TPRX2: variants seen among roughly 807,000 people sequenced by gnomAD.
TPRX2 encodes the protein tetrapeptide repeat homeobox protein 2.
At chr19:47,861,093 G>A in the TPRX2 span, 2 of 714,598 alleles carry the variant, frequency 2.8e-6, no homozygotes, top group Non-Finnish European at 5.1e-6. Context: ...GGCTGTCCCG[G>A]CTCCAGGCCC....
At chr19:47,861,303 A>C in the TPRX2 span, 1 of 483,232 alleles carries the variant, frequency 2.1e-6, no homozygotes, top group African/African-American at 2.0e-5. Flanking sequence ...ATCACTCCCA[A>C]CCCCAGCCCC....
At chr19:47,861,677 T>A in the TPRX2 span, among the ~76,000 whole-genome samples, 1 of 152,230 alleles carries the variant, frequency 6.6e-6, no homozygotes, top group Non-Finnish European at 1.5e-5. Context: ...CTGCTGTGAA[T>A]GTGCCTGCCT....
At chr19:47,861,257 C>T in the TPRX2 span, 3 of 528,136 alleles carry the variant, frequency 5.7e-6, no homozygotes, top group African/African-American at 5.7e-5. Context: ...CAATCCCAGA[C>T]CCAGTCCTAG....
chr19:47,861,271 G>GAACCCTGATGCCAGGCCC, the TPRX2 span: 2 of 509,076 alleles, frequency 3.9e-6, no homozygotes, highest in Non-Finnish European at 7.7e-6. Flanking sequence ...GTCCTAGGCC[G>GAACCCTGATGCCAGGCCC]AACCCTGATG....
the TPRX2 span, chr19:47,860,056 T>C: frequency 7.1e-7 from 1 of 1,408,114 alleles, no homozygotes; most frequent in South Asian, 1.3e-5. Context: ...ACGGGGTCCC[T>C]AGGGGGGCTG....
chr19:47,861,158 A>G, the TPRX2 span: 1 of 686,014 alleles, frequency 1.5e-6, no homozygotes. Flanking sequence ...GCCCAGTCCC[A>G]GGCCCAGCCC....
chr19:47,859,297 G>A, the TPRX2 span, among the ~76,000 whole-genome samples: 1 of 150,286 alleles, frequency 6.7e-6, no homozygotes, highest in Non-Finnish European at 1.5e-5. Context: ...GGTGTGAGGG[G>A]CCTGGGCTGA....
At chr19:47,860,797 C>T in the TPRX2 span, 35 of 1,542,032 alleles carry the variant, frequency 2.3e-5, no homozygotes, top group East Asian at 5.7e-4. Context: ...CCCTCTGCCC[C>T]CCAGGTGTGG....
chr19:47,860,758 G>A, the TPRX2 span: 2 of 1,514,564 alleles, frequency 1.3e-6, no homozygotes, highest in Non-Finnish European at 1.8e-6. Context: ...CGGGCCGCGC[G>A]AGTCCCTCCT....
the TPRX2 span, chr19:47,860,668 G>A: frequency 1.0e-6 from 1 of 963,942 alleles, no homozygotes; most frequent in South Asian, 1.7e-5. Context: ...TGGGAGCCGG[G>A]GGCCCTCATA....
chr19:47,861,246 C>T, the TPRX2 span: 1 of 544,290 alleles, frequency 1.8e-6, no homozygotes, highest in East Asian at 4.5e-5. Flanking sequence ...TTGCCCAGGC[C>T]CAATCCCAGA....
the TPRX2 span, among the ~76,000 whole-genome samples, chr19:47,859,577 C>T: frequency 4.1e-5 from 6 of 146,444 alleles, no homozygotes; most frequent in South Asian, 6.7e-4. Context: ...ACCCAGGGGT[C>T]GTGGTGCACA....
chr19:47,861,059 G>A, the TPRX2 span: 11,925 of 772,522 alleles, frequency 0.015, 740 homozygotes, highest in African/African-American at 0.15. Flanking sequence ...GTGGCCCTGA[G>A]TGTGGAACAC....
chr19:47,861,603 C>A, the TPRX2 span: 1 of 701,162 alleles, frequency 1.4e-6, no homozygotes, highest in Non-Finnish European at 2.2e-6. Flanking sequence ...AATGCATCAC[C>A]CTTTACCCAC....
At chr19:47,861,204 TCGATC>T in the TPRX2 span, 3 of 619,626 alleles carry the variant, frequency 4.8e-6, no homozygotes, top group Non-Finnish European at 9.1e-6. Context: ...ACTGTCAGTC[TCGATC>T]CCCGGTCCAA....
the TPRX2 span, chr19:47,860,783 T>C: frequency 2.0e-6 from 3 of 1,536,724 alleles, no homozygotes; most frequent in East Asian, 4.8e-5. Flanking sequence ...ACCTTCTCCC[T>C]GTCCCCTCTG....
the TPRX2 span, chr19:47,859,968 G>A: frequency 2.6e-5 from 14 of 541,620 alleles, no homozygotes; most frequent in African/African-American, 1.7e-4. Flanking sequence ...GAGGTGCAAG[G>A]TCTGGTCTGG....
the TPRX2 span, chr19:47,860,996 G>C: frequency 2.6e-6 from 3 of 1,153,080 alleles, no homozygotes; most frequent in Non-Finnish European, 3.8e-6. Context: ...CGGGCCCCTG[G>C]GGAGTCCTCC....
At chr19:47,860,841 C>T in the TPRX2 span, 3 of 1,532,658 alleles carry the variant, frequency 2.0e-6, no homozygotes, top group East Asian at 2.4e-5. Context: ...AGCTCGGGAG[C>T]GGCGGCTCCA....
Sources: allele counts gnomAD v4.1 joint callset (sites outside exome capture counted in the v4.1 genomes callset), GRCh38; gene constraint gnomAD v4.1.1; transcripts MANE v1.5; gene names NCBI Gene and HGNC (gene_info 2026-07-23, HGNC 2026-07-21).